Variants in C11orf65 observed in about 807,000 individuals in gnomAD.
The protein encoded by C11orf65 is chromosome 11 open reading frame 65, also known as protein MFI.
C11orf65 carries 38 observed loss-of-function variants against 35.3 expected under a neutral mutation model. That is an observed-to-expected ratio of 1.08 (90% CI 0.83 to 1.41). The LOEUF (loss-of-function observed/expected upper bound fraction) is 1.41, where lower values mean the gene tolerates loss of function less well. Among genes scored for constraint, C11orf65 ranks in the 40% most tolerant of loss-of-function variants. The probability of loss-of-function intolerance (pLI) is 0.00; values close to 1 mark genes in which losing one functional copy is unlikely to be tolerated. For missense variants in C11orf65, 370 were observed against 367.1 expected (o/e 1.01, Z -0.06); for synonymous variants, 105 against 114.4 (o/e 0.92, Z 0.53).
intron 2 of C11orf65, among the ~76,000 whole-genome samples, chr11:108,433,749 G>C (rs1251966789): frequency 6.6e-6 from 1 of 151,836 alleles, no homozygotes; most frequent in Non-Finnish European, 1.5e-5. Context: ...CCCCTAAGGG[G>C]GTCAAGTAAA....
At chr11:108,392,896 T>C (rs969435711) in intron 7 of C11orf65, among the ~76,000 whole-genome samples, 1 of 152,238 alleles carries the variant, frequency 6.6e-6, no homozygotes, top group African/African-American at 2.4e-5. Context: ...AAAGAAAACC[T>C]TTGTATTATT....
chr11:108,362,400 A>G (rs1215170895), intron 2 of C11orf65, among the ~76,000 whole-genome samples: 18 of 151,980 alleles, frequency 1.2e-4, no homozygotes, highest in Admixed American at 2.0e-4. Context: ...GCGATTCCTC[A>G]GGGATCTAGA....
intron 2 of C11orf65, among the ~76,000 whole-genome samples, chr11:108,438,442 T>A (rs1474957143): frequency 6.6e-6 from 1 of 151,664 alleles, no homozygotes; most frequent in African/African-American, 2.4e-5. Context: ...TCCCAGCTAC[T>A]CGGTAGGCTG....
chr11:108,469,005 C>T (rs2093562111), upstream of C11orf65, among the ~76,000 whole-genome samples: 2 of 151,912 alleles, frequency 1.3e-5, no homozygotes, highest in Non-Finnish European at 1.5e-5. Context: ...CCATGATACC[C>T]GGCTAATTTT....
At chr11:108,434,420 G>T (rs568985418) in intron 2 of C11orf65, among the ~76,000 whole-genome samples, 1 of 151,772 alleles carries the variant, frequency 6.6e-6, no homozygotes, top group South Asian at 2.1e-4. Context: ...CAGGAGAATC[G>T]CTTGAATCTG....
At chr11:108,410,953 C>T (rs532593127) in intron 3 of C11orf65, among the ~76,000 whole-genome samples, 2 of 151,922 alleles carry the variant, frequency 1.3e-5, no homozygotes, top group East Asian at 1.9e-4. Context: ...TCATGATCCC[C>T]CTGCCTTGGC....
chr11:108,363,855 A>C (rs1166773819), intron 2 of C11orf65, among the ~76,000 whole-genome samples: 1 of 152,106 alleles, frequency 6.6e-6, no homozygotes, highest in African/African-American at 2.4e-5. Context: ...TTCTACTTCA[A>C]CCCAAGAAAA....
intron 2 of C11orf65, among the ~76,000 whole-genome samples, chr11:108,362,741 T>A (rs1005389123): frequency 2.1e-5 from 3 of 141,536 alleles, no homozygotes; most frequent in Non-Finnish European, 4.6e-5. Flanking sequence ...TAGGTGGGAA[T>A]TGAACAATGA....
intron 1 of C11orf65, among the ~76,000 whole-genome samples, chr11:108,463,446 C>G (rs1424822945): frequency 6.6e-6 from 1 of 151,756 alleles, no homozygotes; most frequent in Non-Finnish European, 1.5e-5. Context: ...AGAAGGTTCG[C>G]TATGAAAAAA....
chr11:108,438,666 C>T (rs1276888967), intron 2 of C11orf65, among the ~76,000 whole-genome samples: 1 of 151,850 alleles, frequency 6.6e-6, no homozygotes, highest in African/African-American at 2.4e-5. Context: ...TTGGATATAA[C>T]ACCAAAAGCA....
intron 3 of C11orf65, among the ~76,000 whole-genome samples, chr11:108,414,049 A>G (rs1388079015): frequency 6.6e-6 from 1 of 152,062 alleles, no homozygotes; most frequent in African/African-American, 2.4e-5. Context: ...AAGCAGACGA[A>G]AATAAATAAT....
chr11:108,374,174 A>T (rs555217062), intron 2 of C11orf65, among the ~76,000 whole-genome samples: 4 of 144,662 alleles, frequency 2.8e-5, no homozygotes, highest in Admixed American at 1.5e-4. Context: ...GAGAATGGGC[A>T]GACTGCCTCC....
intron 2 of C11orf65, among the ~76,000 whole-genome samples, chr11:108,458,982 G>A (rs1055942197): frequency 3.9e-5 from 6 of 152,166 alleles, no homozygotes; most frequent in Admixed American, 2.0e-4. Context: ...GCGCTAGTAC[G>A]AGTATCTTTT....
chr11:108,370,108 A>G (rs935178386), intron 2 of C11orf65, among the ~76,000 whole-genome samples: 1 of 152,066 alleles, frequency 6.6e-6, no homozygotes, highest in African/African-American at 2.4e-5. Context: ...CCTTGTTCCT[A>G]ATGTCACTCA....
At chr11:108,389,587 C>T (rs1394435823) in intron 7 of C11orf65, among the ~76,000 whole-genome samples, 2 of 152,068 alleles carry the variant, frequency 1.3e-5, no homozygotes, top group African/African-American at 2.4e-5. Context: ...TTCAGTTGCT[C>T]TTATCATCTG....
At chr11:108,357,175 G>A (rs1300700597) in intron 2 of C11orf65, among the ~76,000 whole-genome samples, 8 of 152,226 alleles carry the variant, frequency 5.3e-5, no homozygotes, top group African/African-American at 2.4e-5. Flanking sequence ...GTCAAAGAAA[G>A]GGGTGACAGA....
intron 3 of C11orf65, among the ~76,000 whole-genome samples, chr11:108,424,489 C>T (rs143913943): frequency 6.6e-6 from 1 of 152,176 alleles, no homozygotes; most frequent in East Asian, 1.9e-4. Flanking sequence ...TCTCCCAATA[C>T]AGGAACACTC....
At chr11:108,319,930 T>G in intron 6 of C11orf65, 1 of 1,536,422 alleles carries the variant, frequency 6.5e-7, no homozygotes, top group Non-Finnish European at 9.0e-7. Context: ...TTAAGTATAT[T>G]TTTTTCTTTG....
At chr11:108,363,815 C>G (rs1395345080) in intron 2 of C11orf65, among the ~76,000 whole-genome samples, 1 of 152,178 alleles carries the variant, frequency 6.6e-6, no homozygotes, top group Non-Finnish European at 1.5e-5. Flanking sequence ...CTGACACAAG[C>G]CCTTGGTTTT....
Sources: allele counts gnomAD v4.1 joint callset (sites outside exome capture counted in the v4.1 genomes callset), GRCh38; gene constraint gnomAD v4.1.1; transcripts MANE v1.5; gene names NCBI Gene and HGNC (gene_info 2026-07-23, HGNC 2026-07-21).